AHR: variants seen among roughly 807,000 people sequenced by gnomAD.
The protein encoded by AHR is AH-receptor.
In AHR, 40 loss-of-function variants were observed where a neutral mutation model predicts 86.8. That is an observed-to-expected ratio of 0.46 (90% CI 0.36 to 0.60). The LOEUF (loss-of-function observed/expected upper bound fraction) is 0.60. AHR is among the 20% of genes least tolerant of loss of function. The pLI is 0.00. For missense variants in AHR, 1,001 were observed against 1,011.6 expected (o/e 0.99, Z 0.14); for synonymous variants, 398 against 354.9 (o/e 1.12, Z -1.37).
Position 17,298,658 on chromosome 7 carries a change from T to G in AHR, c.-607T>G, listed in dbSNP as rs1330950121. 1 of 392,782 alleles carries G rather than the reference T, an allele frequency of 2.5e-6. No individual in the cohort carries two copies. The highest frequency in any genetic ancestry group is 2.1e-5 in the African/African-American group (1 of 48,040). The allele number at this position is 392,782 out of a possible 1,614,324, so 24.3% of individuals were successfully genotyped here. ...GCGCGCGGCGGCGGGAGGCAGTGGC[T>G]GGGGAGTCCCGTCGACGCTCTGTTC... On this transcript the variant is annotated 5_prime_UTR_variant, in exon 1 of 11. Transcript: ENST00000242057.
At chr7:17,305,066 C>T (rs947409292) in intron 1 of AHR, among the ~76,000 whole-genome samples, 1 of 151,990 alleles carries the variant, frequency 6.6e-6, no homozygotes, top group African/African-American at 2.4e-5. Context: ...ATCATCTCTC[C>T]TCAGGTATAG....
At chr7:17,334,845 A>G in intron 7 of AHR, 42 bp from the exon 8 acceptor site, 1 of 1,379,092 alleles carries the variant, frequency 7.3e-7, no homozygotes, top group Non-Finnish European at 1.0e-6. Flanking sequence ...TTTATGTTAA[A>G]TCTTAATCCA....
In AHR at chr7:17,325,170, A is replaced by G. The variant is rs147693784; in HGVS notation, c.360+2563A>G. Among the ~76,000 whole-genome samples the G allele has an allele frequency of 1.1e-3, 171 of 152,340 alleles. 1 individual carries two copies. In the East Asian group the frequency reaches 0.031, roughly 28 times the overall value. ...TCTGTTAATTTATTGAGAGAAATCA[A>G]TACAAGTAATAACCTTGGGTCTCCT... On this transcript the variant is annotated intron_variant, in intron 3 of 10. Transcript: ENST00000242057.
At chr7:17,327,734 A>G in intron 3 of AHR, 25 bp from the exon 4 acceptor site, 1 of 1,389,352 alleles carries the variant, frequency 7.2e-7, no homozygotes, top group Non-Finnish European at 1.0e-6. Context: ...CATATTACTA[A>G]TTTTAGAACT....
intron 2 of AHR, among the ~76,000 whole-genome samples, chr7:17,316,894 T>G (rs1782120524): frequency 6.6e-6 from 1 of 152,132 alleles, no homozygotes; most frequent in Non-Finnish European, 1.5e-5. Flanking sequence ...TTAACGAATC[T>G]TGTGTTTTTT....
chr7:17,301,662 G>A lies in AHR; in HGVS notation c.65+2333G>A, dbSNP rs1484978846. On this transcript the variant is annotated intron_variant, in intron 1 of 10. Transcript: ENST00000242057. ...TTCAATCTTGAGTTGAATTTATTAA[G>A]AAAAATCAACCCCCCCTAGTGGCGG... Among the ~76,000 whole-genome samples the A allele has an allele frequency of 4.0e-5, 6 of 151,822 alleles. No homozygotes were observed. The South Asian group carries it at 8.3e-4, about 21-fold the overall frequency.
rs753547712 is a variant in AHR, at chr7:17,327,845, G to C, written c.447G>C (p.Gln149His). Residue 149 changes from glutamine (Q) to histidine (H), a missense_variant, in exon 4 of 11, where the codon CAG becomes CAC. Physicochemically the swap from Gln to His is conservative, Grantham distance 24. This residue lies in a region of AHR where 394 missense variants were observed against 468.5 expected (regional missense o/e 0.84). Coordinates refer to ENST00000242057, the MANE Select transcript of AHR (RefSeq NM_001621.5). ...CTATACAAGATTATCTAGGGTTTCA[G>C]CAGGTAAGTATATATTATTTATATC... Reference protein sequence around the residue: ...SSTIQDYLGFQQSDVIHQSVY... With the variant: ...SSTIQDYLGFHQSDVIHQSVY... 6.9e-7 allele frequency: 1 copy of C among 1,459,052 alleles called. No individual in the cohort carries two copies. The highest frequency in any genetic ancestry group is 2.3e-5 in the East Asian group (1 of 42,676). 90.4% of individuals were successfully genotyped at this position (1,459,052 alleles called of 1,614,324 possible).
intron 1 of AHR, among the ~76,000 whole-genome samples, chr7:17,304,471 G>A (rs890071296): frequency 2.6e-5 from 4 of 152,012 alleles, no homozygotes. Flanking sequence ...TGTCACTTAG[G>A]TTCATCGGAG....
Position 17,339,598 on chromosome 7 carries a change from G to C in AHR, c.1773G>C (p.Lys591Asn). 1 of 1,614,086 alleles carries C rather than the reference G, an allele frequency of 6.2e-7. No homozygotes were observed. Among genetic ancestry groups the C allele is most frequent in the Non-Finnish European group, 8.5e-7 (1 of 1,180,018 alleles). ...ILTYVQDSLS[K>N]SPFIPSDYQQ... ...CGTATGTCCAAGATTCTTTAAGTAA[G>C]TCTCCCTTCATACCTTCAGATTATC... The change falls in exon 10 of 11, where the codon AAG (lysine) becomes AAC (asparagine). Residue 591 changes from lysine (K) to asparagine (N), a missense_variant. Physicochemically the swap from Lys to Asn is moderately conservative, Grantham distance 94. Coordinates refer to ENST00000242057, the MANE Select transcript of AHR (RefSeq NM_001621.5).
At chr7:17,330,150 T>G (rs1343170508) in intron 5 of AHR, 75 bp downstream of exon 5, 1 of 1,413,298 alleles carries the variant, frequency 7.1e-7, no homozygotes, top group African/African-American at 1.4e-5. Context: ...TGGGAACCTG[T>G]AGGGTCATAG....
At chr7:17,329,374 A>T (rs373920778) in intron 4 of AHR, among the ~76,000 whole-genome samples, 5 of 150,854 alleles carry the variant, frequency 3.3e-5, no homozygotes, top group South Asian at 2.1e-4. Context: ...ACTTGCAGTT[A>T]AAAAAAAAGG....
Position 17,340,029 on chromosome 7 carries a change from TAGA to T in AHR, c.2208_2210del (p.Glu736del), listed in dbSNP as rs1782402493. The T allele has an allele frequency of 6.2e-7, 1 of 1,614,228 alleles. No homozygotes were observed. Among genetic ancestry groups the T allele is most frequent in the Admixed American group, 1.7e-5 (1 of 60,022 alleles). On this transcript the variant is annotated inframe_deletion, in exon 10 of 11. Coordinates refer to ENST00000242057, the MANE Select transcript of AHR (RefSeq NM_001621.5). ...TCCCCATACCCCACTACTTCTAGTTTAGAAGATTTTGTCACTTGTTTACAACTT... is the reference window on the plus strand; with the variant it reads ...TCCCCATACCCCACTACTTCTAGTTTAGATTTTGTCACTTGTTTACAACTT...
At position 17,328,759 on chromosome 7, in the gene AHR, G is replaced by A. The variant is rs374559954; in HGVS notation, c.450+911G>A. On this transcript the variant is annotated intron_variant, in intron 4 of 10. Coordinates refer to ENST00000242057, the MANE Select transcript of AHR (RefSeq NM_001621.5). ...CCACTGAAGGGTTTTGTTACAGGGGGTGTGTATATTTCAACTTGTGTTTCA... is the reference window on the plus strand; with the variant it reads ...CCACTGAAGGGTTTTGTTACAGGGGATGTGTATATTTCAACTTGTGTTTCA... Among the ~76,000 whole-genome samples the A allele has an allele frequency of 4.6e-5, 7 of 152,028 alleles. No homozygotes were observed. The East Asian group carries it at 1.2e-3, about 25-fold the overall frequency.
chr7:17,321,728 A>C (rs1782175853), intron 2 of AHR, among the ~76,000 whole-genome samples: 1 of 151,978 alleles, frequency 6.6e-6, no homozygotes, highest in Non-Finnish European at 1.5e-5. Flanking sequence ...AGCAGTTAAA[A>C]GCTATACCGG....
chr7:17,327,583 C>G (rs1782242195), intron 3 of AHR, among the ~76,000 whole-genome samples, 176 bp from the exon 4 acceptor site: 1 of 151,806 alleles, frequency 6.6e-6, no homozygotes, highest in Non-Finnish European at 1.5e-5. Context: ...ATAGACAAAT[C>G]AAAAGGTATG....
At chr7:17,317,168 A>C (rs966353206) in intron 2 of AHR, among the ~76,000 whole-genome samples, 1 of 122,878 alleles carries the variant, frequency 8.1e-6, no homozygotes, top group Non-Finnish European at 1.6e-5. Flanking sequence ...ACCTGGTATT[A>C]ATATCAATTG....
intron 10 of AHR, among the ~76,000 whole-genome samples, chr7:17,342,406 G>T (rs537105258): frequency 6.6e-6 from 1 of 152,102 alleles, no homozygotes; most frequent in South Asian, 2.1e-4. Flanking sequence ...ATAAGAAATC[G>T]GTTAAGAAAA....
At chr7:17,311,147 C>T (rs544078740) in intron 2 of AHR, among the ~76,000 whole-genome samples, 1 of 152,036 alleles carries the variant, frequency 6.6e-6, no homozygotes, top group Non-Finnish European at 1.5e-5. Flanking sequence ...TTTGATTTAT[C>T]TTTTATCTGT....
chr7:17,324,480 C>T (rs1239391641), intron 3 of AHR, among the ~76,000 whole-genome samples: 5 of 152,110 alleles, frequency 3.3e-5, no homozygotes, highest in Non-Finnish European at 7.4e-5. Flanking sequence ...CTTTGCTTAA[C>T]AAAGGCATAT....
Sources: gnomAD v4.1 joint callset for allele counts (sites outside exome capture counted in the v4.1 genomes callset) on GRCh38, gnomAD v4.1.1 for gene constraint, gnomAD v4.1.1 regional missense constraint, MANE v1.5 for transcripts, NCBI Gene and HGNC (gene_info 2026-07-23, HGNC 2026-07-21) for gene names.